The following ELMOD1 variants were observed in gnomAD, a reference collection of about 807,000 sequenced individuals.
The protein encoded by ELMOD1 is ELMO domain containing 1.
Under a neutral mutation model 46.7 loss-of-function variants are expected in ELMOD1, and 21 were observed. The ratio of observed to expected loss-of-function variants is 0.45; its 90% CI spans 0.32 to 0.65. The LOEUF is 0.65. ELMOD1 is among the 30% of genes least tolerant of loss of function. ELMOD1 has a pLI of 0.04. For synonymous variants in ELMOD1, 122 were observed against 138.2 expected (o/e 0.88, Z 0.82); for missense variants, 348 against 407.8 (o/e 0.85, Z 1.26).
Position 107,632,528 on chromosome 11 carries a change from A to G in ELMOD1, c.290+851A>G, listed in dbSNP as rs140745555. 6.3e-4 allele frequency among the ~76,000 whole-genome samples: 96 copies of G among 152,306 alleles called. 1 individual carries two copies. The highest frequency in any genetic ancestry group is 2.3e-3 in the African/African-American group (95 of 41,568). ...GATACTAGCTATCTAGGGGCTCATC[A>G]CAAAACCTCCATTTTTGCCTGGTCT... On this transcript the variant is annotated intron_variant, in intron 5 of 11. Coordinates refer to ENST00000265840, the MANE Select transcript of ELMOD1 (RefSeq NM_018712.4).
At chr11:107,637,629 G>A (rs1866251511) in intron 6 of ELMOD1, among the ~76,000 whole-genome samples, 2 of 151,798 alleles carry the variant, frequency 1.3e-5, no homozygotes, top group South Asian at 4.2e-4. Flanking sequence ...GGAGGCGGAG[G>A]TTGCAATGAG....
intron 11 of ELMOD1, among the ~76,000 whole-genome samples, chr11:107,659,774 T>A (rs1236945931): frequency 6.6e-6 from 1 of 151,850 alleles, no homozygotes; most frequent in Non-Finnish European, 1.5e-5. Flanking sequence ...GGAAATTTTC[T>A]CCTTAGGCCA....
At chr11:107,641,362 A>G (rs1866320697) in intron 6 of ELMOD1, among the ~76,000 whole-genome samples, 1 of 152,140 alleles carries the variant, frequency 6.6e-6, no homozygotes, top group Non-Finnish European at 1.5e-5. Flanking sequence ...AAACTAGTTT[A>G]ATAACTTGTT....
intron 6 of ELMOD1, among the ~76,000 whole-genome samples, chr11:107,642,593 A>C (rs967025990): frequency 3.3e-5 from 5 of 151,508 alleles, no homozygotes; most frequent in African/African-American, 1.2e-4. Flanking sequence ...CTGGTCTTCA[A>C]CTCCCGACCT....
chr11:107,610,676 A>G (rs1233083559), intron 1 of ELMOD1, among the ~76,000 whole-genome samples: 1 of 151,848 alleles, frequency 6.6e-6, no homozygotes, highest in Non-Finnish European at 1.5e-5. Context: ...AAAAAAAAAA[A>G]AAAAGTAAAT....
intron 1 of ELMOD1, among the ~76,000 whole-genome samples, chr11:107,602,468 C>A (rs749583460): frequency 6.6e-6 from 1 of 152,044 alleles, no homozygotes; most frequent in African/African-American, 2.4e-5. Context: ...GGATGTTGAA[C>A]CTTTTTCTCA....
intron 6 of ELMOD1, among the ~76,000 whole-genome samples, chr11:107,641,002 C>T (rs958487116): frequency 6.6e-6 from 1 of 152,142 alleles, no homozygotes; most frequent in African/African-American, 2.4e-5. Flanking sequence ...CTATTTAATG[C>T]TGCCTAGATG....
chr11:107,663,872 G>T (rs1264407683), intron 11 of ELMOD1, among the ~76,000 whole-genome samples: 1 of 152,046 alleles, frequency 6.6e-6, no homozygotes, highest in Non-Finnish European at 1.5e-5. Flanking sequence ...ATGCATGCAG[G>T]TGGAAAAGCA....
At chr11:107,646,125 G>GA (rs777728762) in intron 6 of ELMOD1, among the ~76,000 whole-genome samples, 3 of 152,270 alleles carry the variant, frequency 2.0e-5, no homozygotes, top group East Asian at 1.9e-4. Context: ...ATCTCTATTA[G>GA]AAAAAACTAA....
chr11:107,653,098 T>C (rs1866553971), intron 9 of ELMOD1, among the ~76,000 whole-genome samples: 1 of 152,174 alleles, frequency 6.6e-6, no homozygotes, highest in East Asian at 1.9e-4. Flanking sequence ...ATTTGTTAAA[T>C]TACATCTCTA....
chr11:107,663,472 T>C (rs1028889131), intron 11 of ELMOD1, among the ~76,000 whole-genome samples: 1 of 149,704 alleles, frequency 6.7e-6, no homozygotes, highest in African/African-American at 2.5e-5. Flanking sequence ...TTGCAAGATC[T>C]TTCCTCTAAA....
intron 1 of ELMOD1, among the ~76,000 whole-genome samples, chr11:107,598,715 C>G (rs535607577): frequency 6.6e-6 from 1 of 152,336 alleles, no homozygotes; most frequent in South Asian, 2.1e-4. Flanking sequence ...AGTGCTGGAG[C>G]GTCAGTGGGG....
intron 11 of ELMOD1, among the ~76,000 whole-genome samples, chr11:107,662,899 T>A (rs7948972): frequency 0.31 from 46,443 of 149,936 alleles, 7,385 homozygotes; most frequent in South Asian, 0.38. Context: ...TCAAAAAAAA[T>A]TTTTTTTTTT....
chr11:107,625,269 C>A, intron 2 of ELMOD1: 1 of 470,672 alleles, frequency 2.1e-6, no homozygotes, highest in Non-Finnish European at 2.8e-6. Flanking sequence ...GACATTGAGC[C>A]GCTTGCTCTT....
chr11:107,625,678 G>C (rs1357577134), intron 2 of ELMOD1: 1 of 491,576 alleles, frequency 2.0e-6, no homozygotes. Context: ...GCAGAGATAT[G>C]ATCCATTTCG....
intron 11 of ELMOD1, among the ~76,000 whole-genome samples, chr11:107,656,804 A>C (rs1462759480): frequency 6.6e-6 from 1 of 152,194 alleles, no homozygotes; most frequent in African/African-American, 2.4e-5. Context: ...GTTAATTCTC[A>C]GATCTATGTT....
intron 2 of ELMOD1, chr11:107,623,248 T>C (rs1042443069): frequency 3.3e-5 from 5 of 152,190 alleles, no homozygotes; most frequent in African/African-American, 9.7e-5. Flanking sequence ...CACACTCTCA[T>C]TGAAATATGT....
At position 107,665,266 on chromosome 11, in the gene ELMOD1, T is replaced by C; in HGVS notation, c.*69T>C. 1 of 1,513,656 alleles carries C rather than the reference T, an allele frequency of 6.6e-7. No individual in the cohort carries two copies. The highest frequency in any genetic ancestry group is 9.0e-7 in the Non-Finnish European group (1 of 1,108,816). The allele number at this position is 1,513,656 out of a possible 1,614,324, so 93.8% of individuals were successfully genotyped here. On this transcript the variant is annotated 3_prime_UTR_variant, in exon 12 of 12. Coordinates refer to ENST00000265840, the MANE Select transcript of ELMOD1 (RefSeq NM_018712.4). ...TTGTCTTGTTAGATCTCTGCTTAGG[T>C]CGCAGCTCACGCATTGAATGCACAC...
intron 11 of ELMOD1, among the ~76,000 whole-genome samples, chr11:107,660,177 A>G (rs923878494): frequency 6.6e-6 from 1 of 152,178 alleles, no homozygotes. Flanking sequence ...GTGTCCTTGC[A>G]TATGTCTCTG....
Sources: gnomAD v4.1 joint callset for allele counts (sites outside exome capture counted in the v4.1 genomes callset) on GRCh38, gnomAD v4.1.1 for gene constraint, MANE v1.5 for transcripts, NCBI Gene and HGNC (gene_info 2026-07-23, HGNC 2026-07-21) for gene names.